The following ZNF79 variants were observed in gnomAD, a reference collection of about 807,000 sequenced individuals.
ZNF79 encodes ZNFpT7.
A neutral mutation model predicts 14.9 loss-of-function variants in ZNF79; 13 were observed. That is an observed-to-expected ratio of 0.87 (90% CI 0.57 to 1.38). ZNF79 has a LOEUF of 1.38. Among genes scored for constraint, ZNF79 ranks in the 40% most tolerant of loss-of-function variants. The pLI, the probability that ZNF79 is intolerant of heterozygous loss-of-function variation, is 0.00. For missense variants in ZNF79, 631 were observed against 630.6 expected, an observed-to-expected ratio of 1.00 and a Z score of -0.01; for synonymous variants, 223 against 235.1, an observed-to-expected ratio of 0.95 and a Z score of 0.47.
chr9:127,434,320 C>G (rs547723688), intron 2 of ZNF79, among the ~76,000 whole-genome samples: 3 of 152,290 alleles, frequency 2.0e-5, no homozygotes, highest in South Asian at 2.1e-4. Context: ...TGTGCTCATA[C>G]CTGGCTCTCC....
At chr9:127,442,208 C>A (rs1442414302) in intron 4 of ZNF79, among the ~76,000 whole-genome samples, 1 of 151,490 alleles carries the variant, frequency 6.6e-6, no homozygotes, top group Non-Finnish European at 1.5e-5. Context: ...TAAGATCAGC[C>A]TGGCCAACAT....
At position 127,435,072 on chromosome 9, in the gene ZNF79, A is replaced by G; in HGVS notation, c.106-18A>G. 4.4e-6 allele frequency: 7 copies of G among 1,602,636 alleles called. No homozygotes were observed. Among genetic ancestry groups the G allele is most frequent in the Non-Finnish European group, 6.0e-6 (7 of 1,175,508 alleles). On this transcript the variant is annotated intron_variant, in intron 2 of 4. Coordinates refer to ENST00000342483, the MANE Select transcript of ZNF79 (RefSeq NM_007135.3). ...ATCCTAAGGCCACTGGCAAGATGAA[A>G]TGTGCTTGTTTTTTCAGGGATCCAC... is the stretch of plus-strand genomic sequence containing the variant.
chr9:127,425,995 A>T (rs1312456646), intron 1 of ZNF79, among the ~76,000 whole-genome samples: 2 of 152,232 alleles, frequency 1.3e-5, no homozygotes, highest in African/African-American at 4.8e-5. Flanking sequence ...AGCAGAGCAG[A>T]TGGGTCGTCA....
chr9:127,430,952 T>C lies in ZNF79; in HGVS notation c.105+2032T>C, dbSNP rs1833849384. On this transcript the variant is annotated intron_variant, in intron 2 of 4. Coordinates refer to ENST00000342483, the MANE Select transcript of ZNF79 (RefSeq NM_007135.3). ...AGCCTCGCCAGCATCTGTTATTTTT[T>C]ACTTTGTCATATTAGCCATTATTTC... 4.6e-5 allele frequency among the ~76,000 whole-genome samples: 7 copies of C among 152,372 alleles called. No individual in the cohort carries two copies. In the South Asian group the frequency reaches 1.4e-3, roughly 32 times the overall value.
intron 2 of ZNF79, 86 bp from the exon 3 acceptor site, chr9:127,435,004 G>C: frequency 6.9e-7 from 1 of 1,448,060 alleles, no homozygotes. Flanking sequence ...GACTTTTCCA[G>C]CTCCCCCAAA....
Position 127,445,244 on chromosome 9 carries a change from G to A in ZNF79, c.*47G>A, listed in dbSNP as rs779191598. 1 of 1,581,272 alleles carries A rather than the reference G, an allele frequency of 6.3e-7. No individual in the cohort carries two copies. Among genetic ancestry groups the A allele is most frequent in the African/African-American group, 1.3e-5 (1 of 74,200 alleles). On this transcript the variant is annotated 3_prime_UTR_variant, in exon 5 of 5. Transcript: ENST00000342483. ...AGAGAGTCCCGGACATGCCGACTCA[G>A]GACAGGTGGGTGAGGATCTGAGAAA...
intron 2 of ZNF79, among the ~76,000 whole-genome samples, chr9:127,433,081 A>G (rs1427421422): frequency 6.6e-6 from 1 of 151,920 alleles, no homozygotes; most frequent in Non-Finnish European, 1.5e-5. Flanking sequence ...CGTGCCTGGC[A>G]TAGATATTTC....
At chr9:127,430,421 T>C (rs921690549) in intron 2 of ZNF79, among the ~76,000 whole-genome samples, 2 of 152,116 alleles carry the variant, frequency 1.3e-5, no homozygotes, top group Non-Finnish European at 2.9e-5. Flanking sequence ...CCCCCTTTCC[T>C]CTCTCCTCCC....
chr9:127,431,077 C>G, intron 2 of ZNF79, among the ~76,000 whole-genome samples: 1 of 152,014 alleles, frequency 6.6e-6, no homozygotes, highest in South Asian at 2.1e-4. Context: ...ACTTGTATGT[C>G]TCTTAAGTGT....
rs796558100 is a variant in ZNF79 at position 127,428,516 on chromosome 9, T to TA, written c.17-315dup. On this transcript the variant is annotated intron_variant, in intron 1 of 4. Coordinates refer to ENST00000342483, the MANE Select transcript of ZNF79 (RefSeq NM_007135.3). ...TGTTCCTTTAATCTTCACAGCAGATTATCCCTTACAAGGGTTTATCATCCC... is the reference window on the plus strand; with the variant it reads ...TGTTCCTTTAATCTTCACAGCAGATTAATCCCTTACAAGGGTTTATCATCCC... 1.9e-3 allele frequency: 500 copies of TA among 258,188 alleles called. 3 individuals carry two copies. Among genetic ancestry groups the TA allele is most frequent in the African/African-American group, 0.01 (463 of 44,316 alleles). The allele number at this position is 258,188 out of a possible 1,614,324, so 16.0% of individuals were successfully genotyped here.
In ZNF79 at chr9:127,445,046, AGT is replaced by A; in HGVS notation, c.1350_1351del (p.Cys450TrpfsTer2). 6.2e-7 allele frequency: 1 copy of A among 1,614,038 alleles called. No individual in the cohort carries two copies. The highest frequency in any genetic ancestry group is 8.5e-7 in the Non-Finnish European group (1 of 1,180,014). ...GGAGAAAAACCTTATGAGTGTAATGAGTGTGGTAAAGCGTTTAACCAGAGCTC... is the reference window on the plus strand; with the variant it reads ...GGAGAAAAACCTTATGAGTGTAATGAGTGGTAAAGCGTTTAACCAGAGCTC... On this transcript the variant is annotated frameshift_variant, in exon 5 of 5. Coordinates refer to ENST00000342483, the MANE Select transcript of ZNF79 (RefSeq NM_007135.3). LOFTEE classifies it high-confidence loss of function.
chr9:127,435,093 T>A lies in ZNF79; in HGVS notation c.109T>A (p.Ser37Thr), dbSNP rs781423741. ...TGAAATGTGCTTGTTTTTTCAGGGATCCACATTCTTCAGCAGTGTGACGGT... is the reference window on the plus strand; with the variant it reads ...TGAAATGTGCTTGTTTTTTCAGGGAACCACATTCTTCAGCAGTGTGACGGT... ...AGLLTAGPRG[S>T]TFFSSVTVAF... Residue 37 changes from serine (S) to threonine (T), a missense_variant, in exon 3 of 5, where the codon TCC (serine) becomes ACC (threonine). By Grantham distance (58) the Ser-to-Thr change is moderately conservative. Coordinates refer to ENST00000342483, the MANE Select transcript of ZNF79 (RefSeq NM_007135.3). The A allele has an allele frequency of 6.2e-7, 1 of 1,607,880 alleles. No individual in the cohort carries two copies. Among genetic ancestry groups the A allele is most frequent in the Non-Finnish European group, 8.5e-7 (1 of 1,177,444 alleles).
intron 4 of ZNF79, among the ~76,000 whole-genome samples, chr9:127,436,640 C>G (rs1177723148): frequency 6.6e-6 from 1 of 152,246 alleles, no homozygotes; most frequent in Non-Finnish European, 1.5e-5. Context: ...GGTGCCACCT[C>G]TGGCAGGGCC....
chr9:127,430,060 C>A (rs979450457), intron 2 of ZNF79, among the ~76,000 whole-genome samples: 1 of 152,168 alleles, frequency 6.6e-6, no homozygotes, highest in African/African-American at 2.4e-5. Context: ...AAGTGATCTA[C>A]CCGCCTCAGC....
chr9:127,424,776 G>A lies in ZNF79; in HGVS notation c.-12G>A. ...GAACTGCTGGGAGGCTGTGGCGCGA[G>A]GCGGGACTCAAATGCTGGAGGAAGG... On this transcript the variant is annotated 5_prime_UTR_variant, in exon 1 of 5. Transcript: ENST00000342483. 1.2e-6 allele frequency: 2 copies of A among 1,613,906 alleles called. No individual in the cohort carries two copies. Among genetic ancestry groups the A allele is most frequent in the Non-Finnish European group, 8.5e-7 (1 of 1,180,010 alleles).
chr9:127,441,045 G>A (rs969228864), intron 4 of ZNF79, among the ~76,000 whole-genome samples: 5 of 152,108 alleles, frequency 3.3e-5, no homozygotes, highest in African/African-American at 9.7e-5. Flanking sequence ...CCTCTGAATT[G>A]CCCCTTCTTC....
chr9:127,444,749 A>G lies in ZNF79; in HGVS notation c.1049A>G (p.Gln350Arg), dbSNP rs755266862. The part of the protein sequence containing the change: ...KAFSYCAAFI[Q>R]HQRIHTGEKP... ...TTCAGTTACTGCGCAGCGTTCATTC[A>G]GCACCAGAGGATTCACACCGGGGAG... Residue 350 changes from glutamine to arginine, a missense_variant, in exon 5 of 5, where the codon CAG becomes CGG. By Grantham distance (43) the Gln-to-Arg change is conservative (BLOSUM62 1). Coordinates refer to ENST00000342483, the MANE Select transcript of ZNF79 (RefSeq NM_007135.3). 34 of 1,608,494 alleles carry G rather than the reference A, an allele frequency of 2.1e-5. No homozygotes were observed. The highest frequency in any genetic ancestry group is 5.1e-6 in the Non-Finnish European group (6 of 1,178,150).
chr9:127,440,661 G>A (rs1834032991), intron 4 of ZNF79, among the ~76,000 whole-genome samples: 1 of 152,222 alleles, frequency 6.6e-6, no homozygotes, highest in Non-Finnish European at 1.5e-5. Context: ...AGCGTTATGT[G>A]TGAAGAATGG....
At position 127,445,182 on chromosome 9, in the gene ZNF79, C is replaced by A; in HGVS notation, c.1482C>A (p.Leu494=). 6.2e-7 allele frequency: 1 copy of A among 1,614,016 alleles called. No individual in the cohort carries two copies. The highest frequency in any genetic ancestry group is 8.5e-7 in the Non-Finnish European group (1 of 1,179,922). ...CTGCCTTCGTTAGACATCAGAGACT[C>A]CACGCCGGAGAGTAACTAGGAACAT... ...CSSAFVRHQR[L]HAGE is the part of the protein sequence containing the mutation. Residue 494 remains leucine, a synonymous_variant, in exon 5 of 5, where the codon CTC becomes CTA. Coordinates refer to ENST00000342483, the MANE Select transcript of ZNF79 (RefSeq NM_007135.3).
Sources: allele counts gnomAD v4.1 joint callset (sites outside exome capture counted in the v4.1 genomes callset), GRCh38; gene constraint gnomAD v4.1.1; transcripts MANE v1.5; gene names NCBI Gene and HGNC (gene_info 2026-07-23, HGNC 2026-07-21).